Variants in RBFOX1 observed in about 807,000 individuals in gnomAD.
RBFOX1 encodes the protein RNA binding protein fox-1 homolog 1.
A neutral mutation model predicts 57.7 loss-of-function variants in RBFOX1; 8 were observed. The ratio of observed to expected loss-of-function variants is 0.14; its 90% CI spans 0.08 to 0.25. RBFOX1 has a LOEUF of 0.25. RBFOX1 is among the 10% of genes least tolerant of loss of function. RBFOX1 has a pLI of 1.00. For missense variants in RBFOX1, 611 were observed against 548.5 expected, an observed-to-expected ratio of 1.11 and a Z score of -1.14; for synonymous variants, 326 against 222.4, an observed-to-expected ratio of 1.47 and a Z score of -4.15.
chr16:7,524,967 G>GA (rs1313805678), intron 5 of RBFOX1, among the ~76,000 whole-genome samples: 3 of 152,096 alleles, frequency 2.0e-5, no homozygotes, highest in Non-Finnish European at 4.4e-5. Flanking sequence ...CCAGACATTG[G>GA]AAAAGGATAT....
chr16:5,581,116 G>A (rs1427223914), intron 2 of RBFOX1, among the ~76,000 whole-genome samples: 2 of 152,186 alleles, frequency 1.3e-5, no homozygotes, highest in Non-Finnish European at 2.9e-5. Flanking sequence ...GATGGCACTT[G>A]ACAGATCCAG....
chr16:6,669,365 G>A (rs1376488294), intron 3 of RBFOX1, among the ~76,000 whole-genome samples: 1 of 152,098 alleles, frequency 6.6e-6, no homozygotes, highest in Non-Finnish European at 1.5e-5. Context: ...TTCTGGGTTA[G>A]GATTTATTTT....
chr16:5,905,944 G>T (rs554236749), intron 4 of RBFOX1, among the ~76,000 whole-genome samples: 1 of 152,184 alleles, frequency 6.6e-6, no homozygotes, highest in Non-Finnish European at 1.5e-5. Flanking sequence ...CTCTCTTGTA[G>T]TGGGAATTGG....
At chr16:5,415,367 C>T (rs2067134548) in intron 1 of RBFOX1, among the ~76,000 whole-genome samples, 1 of 152,146 alleles carries the variant, frequency 6.6e-6, no homozygotes, top group African/African-American at 2.4e-5. Context: ...ATAGGGAAAA[C>T]CACCCCGATG....
intron 4 of RBFOX1, among the ~76,000 whole-genome samples, chr16:7,066,535 T>C (rs976004129): frequency 6.6e-6 from 1 of 151,860 alleles, no homozygotes; most frequent in African/African-American, 2.4e-5. Context: ...GCTGAGTATT[T>C]TATGTGCAAA....
rs1393966357 is a variant in RBFOX1, at chr16:6,638,886, C to A, written c.-63-15717C>A. Among the ~76,000 whole-genome samples, 7 of 152,150 alleles carry A rather than the reference C, an allele frequency of 4.6e-5. 1 individual carries two copies. Among genetic ancestry groups the A allele is most frequent in the Non-Finnish European group, 8.8e-5 (6 of 68,024 alleles). Reference sequence around the variant, plus strand: ...TGAAATAAAGAGTTGGTTCTCTAATCTTGTGGAAAGAACCAGTATTCATTT... The same window carrying A: ...TGAAATAAAGAGTTGGTTCTCTAATATTGTGGAAAGAACCAGTATTCATTT... On this transcript the variant is annotated intron_variant, in intron 2 of 15. Transcript: ENST00000550418.
chr16:5,966,888 C>G (rs777083436), intron 4 of RBFOX1, among the ~76,000 whole-genome samples: 1 of 150,170 alleles, frequency 6.7e-6, no homozygotes, highest in Non-Finnish European at 1.5e-5. Context: ...ATCCTGTCCT[C>G]TTCCCAAACA....
At chr16:5,909,486 G>A (rs4786792) in intron 4 of RBFOX1, among the ~76,000 whole-genome samples, 2 of 151,980 alleles carry the variant, frequency 1.3e-5, no homozygotes, top group Non-Finnish European at 2.9e-5. Context: ...AGGGCCTCCC[G>A]TCAGTCAGTC....
At chr16:6,682,226 A>G (rs74562793) in intron 3 of RBFOX1, among the ~76,000 whole-genome samples, 1,542 of 152,310 alleles carry the variant, frequency 0.01, 18 homozygotes, top group African/African-American at 0.035. Context: ...ACAACGCAAC[A>G]GAGTCAGCGC....
At chr16:6,864,750 C>T (rs866958925) in intron 3 of RBFOX1, among the ~76,000 whole-genome samples, 1 of 151,846 alleles carries the variant, frequency 6.6e-6, no homozygotes, top group African/African-American at 2.4e-5. Context: ...TCTGTTCAAC[C>T]TGTATTTTTA....
intron 1 of RBFOX1, among the ~76,000 whole-genome samples, chr16:5,408,409 C>T (rs563269833): frequency 2.6e-5 from 4 of 152,228 alleles, no homozygotes; most frequent in South Asian, 2.1e-4. Context: ...GGGAGGGTGC[C>T]GCGGTATGAA....
chr16:7,463,920 C>G (rs1004446250), intron 4 of RBFOX1, among the ~76,000 whole-genome samples: 2 of 152,258 alleles, frequency 1.3e-5, no homozygotes, highest in Non-Finnish European at 2.9e-5. Flanking sequence ...TCTCATTTTA[C>G]ATGTATATTT....
chr16:7,148,710 G>C (rs759262701), intron 4 of RBFOX1, among the ~76,000 whole-genome samples: 1 of 152,214 alleles, frequency 6.6e-6, no homozygotes, highest in African/African-American at 2.4e-5. Flanking sequence ...ATGGTTGAAT[G>C]ATCTCAAAAT....
intron 3 of RBFOX1, among the ~76,000 whole-genome samples, chr16:7,019,331 A>G (rs888467084): frequency 1.3e-5 from 2 of 152,176 alleles, no homozygotes; most frequent in African/African-American, 2.4e-5. Flanking sequence ...TTTTTCATAT[A>G]AAATGAATTC....
At chr16:5,865,261 T>C (rs2057319292) in intron 3 of RBFOX1, among the ~76,000 whole-genome samples, 1 of 152,202 alleles carries the variant, frequency 6.6e-6, no homozygotes, top group Admixed American at 6.5e-5. Context: ...TGAGATAATG[T>C]AGCCCAGGGA....
intron 4 of RBFOX1, among the ~76,000 whole-genome samples, chr16:7,336,364 A>T (rs2096787669): frequency 6.6e-6 from 1 of 152,260 alleles, no homozygotes; most frequent in Non-Finnish European, 1.5e-5. Flanking sequence ...CTTGGGCCAT[A>T]CATGGCCAAG....
At position 6,767,941 on chromosome 16, in the gene RBFOX1, T is replaced by TAAGAAGAAG. The variant is rs1306795041; in HGVS notation, c.-16+113293_-16+113294insGAAGAAGAA. 8.6e-3 allele frequency among the ~76,000 whole-genome samples: 727 copies of TAAGAAGAAG among 84,938 alleles called. 1 individual carries two copies. Among genetic ancestry groups the TAAGAAGAAG allele is most frequent in the Non-Finnish European group, 0.011 (497 of 45,416 alleles). The allele number at this position is 84,938 out of a possible 152,430, so 55.7% of individuals were successfully genotyped here. ...ATAATAATAATAATAATAATAATAA[T>TAAGAAGAAG]AATAATAAGAAGAAGAAGAAGAAGA... On this transcript the variant is annotated intron_variant, in intron 3 of 15. Transcript: ENST00000550418.
At chr16:6,372,601 G>T (rs1421497550) in intron 2 of RBFOX1, among the ~76,000 whole-genome samples, 2 of 150,992 alleles carry the variant, frequency 1.3e-5, no homozygotes, top group Non-Finnish European at 3.0e-5. Flanking sequence ...TGGAAGGATA[G>T]TTCATTGGGA....
At chr16:6,560,503 C>T (rs866892201) in intron 2 of RBFOX1, among the ~76,000 whole-genome samples, 5 of 152,046 alleles carry the variant, frequency 3.3e-5, no homozygotes, top group Middle Eastern at 3.4e-3. Context: ...TGAGAGTAGC[C>T]GTCTGTTCAA....
Sources: gnomAD v4.1 joint callset for allele counts (sites outside exome capture counted in the v4.1 genomes callset) on GRCh38, gnomAD v4.1.1 for gene constraint, MANE v1.5 for transcripts, NCBI Gene and HGNC (gene_info 2026-07-23, HGNC 2026-07-21) for gene names.